Variants in SERINC5 observed in about 807,000 individuals in gnomAD.
The protein encoded by SERINC5 is serine incorporator 5.
Under a neutral mutation model 63.1 loss-of-function variants are expected in SERINC5, and 41 were observed. That is an observed-to-expected ratio of 0.65 (90% CI 0.51 to 0.84). The LOEUF (loss-of-function observed/expected upper bound fraction) is 0.84. Ranked by LOEUF, SERINC5 falls within the 40% of genes least tolerant of loss-of-function variation. The probability of loss-of-function intolerance (pLI) is 0.00; values close to 1 mark genes in which losing one functional copy is unlikely to be tolerated. For missense variants in SERINC5, 523 were observed against 573.0 expected (o/e 0.91, Z 0.89); for synonymous variants, 222 against 215.2 (o/e 1.03, Z -0.28).
At chr5:80,199,461 C>G (rs140485351) in intron 2 of SERINC5, among the ~76,000 whole-genome samples, 28 of 152,336 alleles carry the variant, frequency 1.8e-4, no homozygotes, top group African/African-American at 5.5e-4. Flanking sequence ...ATTACTCATA[C>G]AAGTCACTTA....
intron 10 of SERINC5, 52 bp from the exon 11 acceptor site, chr5:80,146,286 C>T (rs1021186804): frequency 6.2e-7 from 1 of 1,601,466 alleles, no homozygotes; most frequent in Non-Finnish European, 8.5e-7. Flanking sequence ...GTGTGTTTAC[C>T]ATTCAGCAAA....
At position 80,252,700 on chromosome 5, in the gene SERINC5, AC is replaced by A. The variant is rs376961661; in HGVS notation, c.27+3195del. On this transcript the variant is annotated intron_variant, in intron 1 of 11. Coordinates refer to ENST00000507668, the MANE Select transcript of SERINC5 (RefSeq NM_001174072.3). ...CCAAATCCTATATTACAGACTTTAC[AC>A]TTATCATCACATGTAATTTTCCCAA... Among the ~76,000 whole-genome samples, 181 of 152,330 alleles carry A rather than the reference AC, an allele frequency of 1.2e-3. 4 individuals are homozygous for A. The South Asian group carries it at 0.037, about 31-fold the overall frequency.
At chr5:80,175,503 T>A (rs564123151) in intron 4 of SERINC5, among the ~76,000 whole-genome samples, 11 of 152,310 alleles carry the variant, frequency 7.2e-5, no homozygotes, top group African/African-American at 2.6e-4. Context: ...CGGTTCGACT[T>A]CTGGCTCTGC....
chr5:80,166,595 G>T, intron 6 of SERINC5, 117 bp from the exon 7 acceptor site: 1 of 624,132 alleles, frequency 1.6e-6, no homozygotes, highest in Admixed American at 3.0e-5. Context: ...ACCTTTAAAG[G>T]AAAGAAAAGA....
intron 5 of SERINC5, among the ~76,000 whole-genome samples, chr5:80,172,182 T>C (rs1747712995): frequency 6.6e-6 from 1 of 151,802 alleles, no homozygotes; most frequent in Non-Finnish European, 1.5e-5. Flanking sequence ...ATACAAAAAT[T>C]ATCCGGGCGT....
chr5:80,136,395 G>A (rs1033170015), downstream of SERINC5, among the ~76,000 whole-genome samples: 1 of 152,176 alleles, frequency 6.6e-6, no homozygotes, highest in Middle Eastern at 3.2e-3. Flanking sequence ...AGACAAGCTC[G>A]GGGTTTCATA....
rs539447019 is a variant in SERINC5 at position 80,255,980 on chromosome 5, T to G, written c.-58A>C. The stretch of plus-strand genomic sequence containing the variant: ...GCTCCCCGCGCCGCACGGGCCCTCC[T>G]GGCTGCCTCGCGCCTCGAGCGCTGG... On this transcript the variant is annotated 5_prime_UTR_variant, in exon 1 of 12. Transcript: ENST00000507668. 8.9e-6 allele frequency: 13 copies of G among 1,458,836 alleles called. No homozygotes were observed. The Admixed American group carries it at 2.0e-4, about 23-fold the overall frequency. The allele number at this position is 1,458,836 out of a possible 1,614,324, so 90.4% of individuals were successfully genotyped here.
intron 2 of SERINC5, among the ~76,000 whole-genome samples, chr5:80,191,492 A>AAAG (rs1561411776): frequency 1.9e-5 from 2 of 103,380 alleles, no homozygotes; most frequent in African/African-American, 6.6e-5. Flanking sequence ...AAAAAAAAAA[A>AAAG]AAAGAAAAAA....
intron 1 of SERINC5, among the ~76,000 whole-genome samples, chr5:80,237,072 C>G (rs937030797): frequency 5.5e-4 from 84 of 152,126 alleles, no homozygotes; most frequent in South Asian, 2.1e-4. Flanking sequence ...GGTGATCCAC[C>G]CGCCTCGGCC....
intron 5 of SERINC5, 114 bp downstream of exon 5, chr5:80,174,840 C>T (rs139094078): frequency 1.1e-5 from 7 of 613,010 alleles, no homozygotes; most frequent in African/African-American, 5.6e-5. Flanking sequence ...TACAAAAAAG[C>T]AGGTATAAAG....
At chr5:80,177,801 T>C (rs1438927526) in intron 3 of SERINC5, 85 bp downstream of exon 3, 2 of 1,030,984 alleles carry the variant, frequency 1.9e-6, no homozygotes, top group African/African-American at 3.2e-5. Flanking sequence ...GCAGTCACAG[T>C]GTCTGGTGGG....
intron 8 of SERINC5, among the ~76,000 whole-genome samples, chr5:80,155,343 T>C (rs1465231193): frequency 6.6e-6 from 1 of 152,152 alleles, no homozygotes; most frequent in Non-Finnish European, 1.5e-5. Context: ...GGCGGGCGGA[T>C]CACCTGAGGT....
At chr5:80,132,581 T>C (rs971649848) in intron 11 of SERINC5, among the ~76,000 whole-genome samples, 2 of 150,812 alleles carry the variant, frequency 1.3e-5, no homozygotes, top group East Asian at 1.9e-4. Flanking sequence ...TCTTTACCTA[T>C]ATGCATTTGC....
At chr5:80,175,339 T>C (rs550070397) in intron 4 of SERINC5, among the ~76,000 whole-genome samples, 1 of 152,312 alleles carries the variant, frequency 6.6e-6, no homozygotes, top group East Asian at 1.9e-4. Flanking sequence ...ATCTGCCAGG[T>C]ACCCTAATAG....
At chr5:80,233,499 C>CAAAT (rs10666721) in intron 1 of SERINC5, among the ~76,000 whole-genome samples, 50,005 of 151,804 alleles carry the variant, frequency 0.33, 8,498 homozygotes, top group African/African-American at 0.43. Context: ...AAAAAAAACT[C>CAAAT]AATAATTCTA....
chr5:80,121,027 A>G (rs973807257), intron 11 of SERINC5, among the ~76,000 whole-genome samples: 5 of 151,972 alleles, frequency 3.3e-5, no homozygotes, highest in Admixed American at 6.5e-5. Context: ...AGCTGGGACT[A>G]TAGGCATGTG....
chr5:80,176,560 T>G (rs1748045180), intron 4 of SERINC5, among the ~76,000 whole-genome samples: 1 of 151,964 alleles, frequency 6.6e-6, no homozygotes. Flanking sequence ...GCCTCCTGAG[T>G]AGCTGGGATT....
intron 1 of SERINC5, among the ~76,000 whole-genome samples, chr5:80,242,024 G>A (rs1239528080): frequency 6.6e-6 from 1 of 151,912 alleles, no homozygotes; most frequent in African/African-American, 2.4e-5. Flanking sequence ...CTAGCTCCTT[G>A]GGAAGCTGAG....
chr5:80,151,005 T>C (rs1746148087), intron 8 of SERINC5, 57 bp from the exon 9 acceptor site: 1 of 1,326,724 alleles, frequency 7.5e-7, no homozygotes, highest in Non-Finnish European at 1.1e-6. Flanking sequence ...ACACATGGAA[T>C]GAAGGGGAAA....
Sources: gnomAD v4.1 joint callset for allele counts (sites outside exome capture counted in the v4.1 genomes callset) on GRCh38, gnomAD v4.1.1 for gene constraint, MANE v1.5 for transcripts, NCBI Gene and HGNC (gene_info 2026-07-23, HGNC 2026-07-21) for gene names.